TEAD4: variants seen among roughly 807,000 people sequenced by gnomAD.
TEAD4 encodes TEA domain transcription factor 4, also known as transcriptional enhancer factor TEF-3.
TEAD4 carries 36 observed loss-of-function variants against 52.4 expected under a neutral mutation model. The observed-to-expected ratio is 0.69, with a 90% CI of 0.53 to 0.91. The LOEUF (loss-of-function observed/expected upper bound fraction) is 0.91. Among genes scored for constraint, TEAD4 ranks in the 40% least tolerant of loss-of-function variants. The pLI is 0.00. For missense variants in TEAD4, 508 were observed against 583.9 expected (o/e 0.87, Z 1.34); for synonymous variants, 220 against 231.0 (o/e 0.95, Z 0.43).
At position 3,021,960 on chromosome 12, in the gene TEAD4, A is replaced by G; in HGVS notation, c.840A>G (p.Gly280=). ...ACAAATTCCCGGAGAAAAAGGGTGG[A>G]CTCAAGGATCTCTTCGAACGGGGAC... The change falls in exon 10 of 13, where the codon GGA becomes GGG. Residue 280 remains glycine (G), a synonymous_variant. Transcript: ENST00000359864. 6.2e-7 allele frequency: 1 copy of G among 1,614,250 alleles called. No homozygotes were observed. The highest frequency in any genetic ancestry group is 8.5e-7 in the Non-Finnish European group (1 of 1,180,042).
chr12:3,006,670 C>T (rs1197440203), intron 3 of TEAD4, among the ~76,000 whole-genome samples: 3 of 150,662 alleles, frequency 2.0e-5, no homozygotes, highest in Admixed American at 6.6e-5. Flanking sequence ...GGCAACAGAG[C>T]GAAACTCCGT....
intron 10 of TEAD4, among the ~76,000 whole-genome samples, chr12:3,034,392 C>T (rs2098277986): frequency 6.6e-6 from 1 of 152,160 alleles, no homozygotes; most frequent in African/African-American, 2.4e-5. Context: ...AAGGCCCACC[C>T]TACTAAGGCC....
At chr12:2,981,006 C>T (rs1209824812) in intron 2 of TEAD4, among the ~76,000 whole-genome samples, 1 of 152,184 alleles carries the variant, frequency 6.6e-6, no homozygotes, top group Non-Finnish European at 1.5e-5. Flanking sequence ...GCATCTTCAC[C>T]TGCCAAATGG....
chr12:3,005,298 C>T (rs184333448), intron 3 of TEAD4, among the ~76,000 whole-genome samples: 1,953 of 126,388 alleles, frequency 0.015, 46 homozygotes, highest in African/African-American at 0.072. Context: ...TTTGTTTTTC[C>T]GTTTTGTTTG....
chr12:2,987,160 T>A (rs1194921053), intron 2 of TEAD4, among the ~76,000 whole-genome samples: 1 of 152,114 alleles, frequency 6.6e-6, no homozygotes, highest in Non-Finnish European at 1.5e-5. Context: ...GACCTTCACC[T>A]CAGGAAAGAT....
intron 10 of TEAD4, among the ~76,000 whole-genome samples, chr12:3,025,321 C>G (rs1010375069): frequency 6.6e-6 from 1 of 152,226 alleles, no homozygotes; most frequent in Non-Finnish European, 1.5e-5. Context: ...CTAGCTCTTG[C>G]ATTTCTCTCT....
At chr12:2,964,239 A>G (rs921158425) in intron 2 of TEAD4, among the ~76,000 whole-genome samples, 17 of 152,300 alleles carry the variant, frequency 1.1e-4, no homozygotes, top group African/African-American at 3.4e-4. Flanking sequence ...CGCCCCTGCC[A>G]GGACTTGGTC....
Position 3,012,197 on chromosome 12 carries a change from C to T in TEAD4, c.319C>T (p.Arg107Cys), listed in dbSNP as rs1459333292. The T allele has an allele frequency of 3.7e-6, 6 of 1,613,964 alleles. No homozygotes were observed. The highest frequency in any genetic ancestry group is 4.2e-6 in the Non-Finnish European group (5 of 1,179,998). Residue 107 changes from arginine (R) to cysteine (C), a missense_variant, in exon 5 of 13, where the codon CGT becomes TGT. Coordinates refer to ENST00000359864, the MANE Select transcript of TEAD4 (RefSeq NM_003213.4). The stretch of plus-strand genomic sequence containing the variant: ...CTCCAGCCACATCCAGGTGCTGGCT[C>T]GTCGCAAAGCTCGCGAGATCCAGGC...
At chr12:3,022,663 G>A (rs1380702468) in intron 10 of TEAD4, among the ~76,000 whole-genome samples, 1 of 152,220 alleles carries the variant, frequency 6.6e-6, no homozygotes, top group Non-Finnish European at 1.5e-5. Context: ...CTGAGGCCGG[G>A]AGGTACAGTA....
chr12:3,016,666 ATGT>A (rs1003184157), intron 5 of TEAD4, among the ~76,000 whole-genome samples: 1 of 152,128 alleles, frequency 6.6e-6, no homozygotes, highest in Non-Finnish European at 1.5e-5. Context: ...GAAATAGGGA[ATGT>A]TGTGTCATTG....
intron 3 of TEAD4, among the ~76,000 whole-genome samples, chr12:3,008,447 C>T (rs187669522): frequency 2.6e-5 from 4 of 152,168 alleles, no homozygotes; most frequent in Admixed American, 2.0e-4. Flanking sequence ...GTTTCCAGGC[C>T]GTTGTAAGGA....
At chr12:2,999,015 G>C (rs370435483) in intron 3 of TEAD4, among the ~76,000 whole-genome samples, 7 of 152,342 alleles carry the variant, frequency 4.6e-5, no homozygotes, top group African/African-American at 1.4e-4. Context: ...GCAGGACTGC[G>C]TGGGGACTGA....
At chr12:2,968,141 C>T (rs1263323467) in intron 2 of TEAD4, among the ~76,000 whole-genome samples, 1 of 131,044 alleles carries the variant, frequency 7.6e-6, no homozygotes, top group African/African-American at 2.7e-5. Context: ...GGTTGGAGTG[C>T]AATGGCGTGA....
intron 10 of TEAD4, among the ~76,000 whole-genome samples, chr12:3,030,904 G>A (rs941880669): frequency 1.4e-4 from 21 of 152,148 alleles, no homozygotes; most frequent in Admixed American, 7.9e-4. Context: ...TAAGGTTTTC[G>A]AACAGGGCAG....
intron 9 of TEAD4, 69 bp from the exon 10 acceptor site, chr12:3,021,775 C>T: frequency 6.5e-7 from 1 of 1,548,682 alleles, no homozygotes; most frequent in Non-Finnish European, 8.8e-7. Flanking sequence ...GGTGGGCACG[C>T]AGAGCCAGGG....
chr12:3,038,412 AG>A lies in TEAD4; in HGVS notation c.1038+305del, dbSNP rs143795694. 3.4e-3 allele frequency among the ~76,000 whole-genome samples: 514 copies of A among 152,348 alleles called. 4 individuals are homozygous for A. Among genetic ancestry groups the A allele is most frequent in the African/African-American group, 0.012 (503 of 41,590 alleles). On this transcript the variant is annotated intron_variant, in intron 11 of 12. Coordinates refer to ENST00000359864, the MANE Select transcript of TEAD4 (RefSeq NM_003213.4). Reference sequence around the variant, plus strand: ...AGAGCCCTGGGCATCTACCTAGTCCAGCCCTCTGGCTTCACAGTGGAGGCCC... The same window carrying A: ...AGAGCCCTGGGCATCTACCTAGTCCACCCTCTGGCTTCACAGTGGAGGCCC...
chr12:3,028,373 C>A (rs2098273337), intron 10 of TEAD4, among the ~76,000 whole-genome samples: 1 of 152,190 alleles, frequency 6.6e-6, no homozygotes, highest in Admixed American at 6.5e-5. Flanking sequence ...CTGAGGCACT[C>A]CCAAGAGTCT....
Position 2,994,756 on chromosome 12 carries a change from C to T in TEAD4, c.-11C>T. On this transcript the variant is annotated 5_prime_UTR_variant, in exon 3 of 13. Coordinates refer to ENST00000359864, the MANE Select transcript of TEAD4 (RefSeq NM_003213.4). This position sits in a 1 kb window ranked among gnomAD's most constrained non-coding sequence, Gnocchi z 4.7. ...CCCACAGGTCCAACGAGCGCTCCTCCAAGCGGAGCCTTGGAGGGCACGGCC... is the reference window on the plus strand; with the variant it reads ...CCCACAGGTCCAACGAGCGCTCCTCTAAGCGGAGCCTTGGAGGGCACGGCC... The T allele has an allele frequency of 6.3e-7, 1 of 1,598,408 alleles. No homozygotes were observed. The highest frequency in any genetic ancestry group is 2.2e-5 in the East Asian group (1 of 44,672).
At chr12:2,986,062 G>A (rs1032018453) in intron 2 of TEAD4, among the ~76,000 whole-genome samples, 1 of 151,814 alleles carries the variant, frequency 6.6e-6, no homozygotes, top group Non-Finnish European at 1.5e-5. Context: ...TTCCAGCCTG[G>A]GGAACAAGAG....
Sources: allele counts gnomAD v4.1 joint callset (sites outside exome capture counted in the v4.1 genomes callset), GRCh38; gene constraint gnomAD v4.1.1; non-coding constraint Gnocchi (gnomAD v3.1); transcripts MANE v1.5; gene names NCBI Gene and HGNC (gene_info 2026-07-23, HGNC 2026-07-21).